Variants in RAB1B observed in about 807,000 individuals in gnomAD.
RAB1B encodes the protein ras-related protein Rab-1B.
RAB1B carries 10 observed loss-of-function variants against 24.8 expected under a neutral mutation model. The observed-to-expected ratio is 0.40, with a 90% confidence interval of 0.25 to 0.68. The LOEUF (loss-of-function observed/expected upper bound fraction) is 0.68, where lower values mean the gene tolerates loss of function less well. Ranked by LOEUF, RAB1B falls within the 30% of genes least tolerant of loss-of-function variation. The pLI, the probability that RAB1B is intolerant of heterozygous loss-of-function variation, is 0.37. For synonymous variants in RAB1B, 99 were observed against 111.7 expected, an observed-to-expected ratio of 0.89 and a Z score of 0.72; for missense variants, 154 against 271.2, an observed-to-expected ratio of 0.57 and a Z score of 3.04.
At chr11:66,271,488 C>CAAA (rs71270565) in intron 1 of RAB1B, 47 of 48,472 alleles carry the variant, frequency 9.7e-4, no homozygotes, top group South Asian at 3.4e-3. Context: ...AACTCAGTCT[C>CAAA]AAAAAAAAAA....
intron 1 of RAB1B, 100 bp downstream of exon 1, chr11:66,268,793 GCCC>G: frequency 8.7e-7 from 1 of 1,150,878 alleles, no homozygotes; most frequent in Non-Finnish European, 1.1e-6. Context: ...ACTGTGCGGC[GCCC>G]CCACATCCGG....
At chr11:66,273,955 G>A (rs975654594) in intron 4 of RAB1B, among the ~76,000 whole-genome samples, 7 of 152,136 alleles carry the variant, frequency 4.6e-5, no homozygotes, top group South Asian at 4.2e-4. Context: ...CCAAACCAGC[G>A]CCTCTATCCC....
chr11:66,268,809 C>T (rs1313291581), intron 1 of RAB1B, 116 bp downstream of exon 1: 1 of 1,069,664 alleles, frequency 9.3e-7, no homozygotes. Context: ...ACATCCGGGT[C>T]CCTCTTCCGC....
At chr11:66,272,001 C>A in intron 2 of RAB1B, 132 bp downstream of exon 2, 1 of 941,492 alleles carries the variant, frequency 1.1e-6, no homozygotes, top group Non-Finnish European at 1.8e-6. Context: ...GCCACCAGCA[C>A]ATCTGCCCTG....
At chr11:66,269,208 G>A (rs954923102) in intron 1 of RAB1B, among the ~76,000 whole-genome samples, 1 of 152,178 alleles carries the variant, frequency 6.6e-6, no homozygotes, top group Middle Eastern at 3.4e-3. Context: ...CGCTTGGGTC[G>A]CGTCTCCCGC....
intron 1 of RAB1B, among the ~76,000 whole-genome samples, chr11:66,269,345 C>G (rs1857012789): frequency 6.6e-6 from 1 of 152,286 alleles, no homozygotes; most frequent in African/African-American, 2.4e-5. Context: ...CCGTCACACC[C>G]CTTCCCTTGG....
chr11:66,272,402 C>T lies in RAB1B; in HGVS notation c.221C>T (p.Thr74Ile). 6.2e-7 allele frequency: 1 copy of T among 1,608,714 alleles called. No individual in the cohort carries two copies. The highest frequency in any genetic ancestry group is 8.5e-7 in the Non-Finnish European group (1 of 1,176,622). ...GGCCAGGAACGGTTCCGGACCATCA[C>T]TTCCAGCTACTACCGGGGGGCTCAT... is the stretch of plus-strand genomic sequence containing the variant. ...TAGQERFRTI[T>I]SSYYRGAHGI... Residue 74 changes from threonine to isoleucine, a missense_variant, in exon 4 of 6, where the codon ACT becomes ATT. Physicochemically the swap from Thr to Ile is moderately conservative, Grantham distance 89. This residue lies in a region of RAB1B where 77 missense variants were observed against 173.4 expected (regional missense o/e 0.44). Coordinates refer to ENST00000311481, the MANE Select transcript of RAB1B (RefSeq NM_030981.3).
chr11:66,274,117 GACAC>G (rs951527362), intron 4 of RAB1B, among the ~76,000 whole-genome samples: 17 of 152,198 alleles, frequency 1.1e-4, no homozygotes, highest in African/African-American at 4.1e-4. Flanking sequence ...TGGGACTATA[GACAC>G]ACACCACCAT....
intron 4 of RAB1B, among the ~76,000 whole-genome samples, chr11:66,273,877 C>T (rs1857100068): frequency 6.6e-6 from 1 of 152,210 alleles, no homozygotes; most frequent in African/African-American, 2.4e-5. Context: ...CTTTTGAGCA[C>T]ACCCTTTCCC....
chr11:66,273,776 T>G (rs1055001758), intron 4 of RAB1B, among the ~76,000 whole-genome samples: 1 of 152,146 alleles, frequency 6.6e-6, no homozygotes, highest in Non-Finnish European at 1.5e-5. Flanking sequence ...AGGTTTGTGT[T>G]TTCTAGATGA....
At chr11:66,273,252 C>T (rs1227332668) in intron 4 of RAB1B, among the ~76,000 whole-genome samples, 3 of 152,156 alleles carry the variant, frequency 2.0e-5, no homozygotes, top group African/African-American at 2.4e-5. Flanking sequence ...AGCCGTGGGC[C>T]GGGAAGAGTC....
intron 2 of RAB1B, 66 bp from the exon 3 acceptor site, chr11:66,272,091 G>T: frequency 8.1e-7 from 1 of 1,227,496 alleles, no homozygotes; most frequent in East Asian, 2.3e-5. Context: ...GGGAACTGGA[G>T]GGAGGCTCTC....
intron 4 of RAB1B, among the ~76,000 whole-genome samples, chr11:66,272,920 A>C (rs963696094): frequency 6.6e-6 from 1 of 152,244 alleles, no homozygotes; most frequent in Non-Finnish European, 1.5e-5. Context: ...GAGATCCAGA[A>C]GCTCTGCCTC....
Position 66,272,252 on chromosome 11 carries a change from C to T in RAB1B, c.183C>T (p.Ile61=), listed in dbSNP as rs765236066. ...ELDGKTIKLQ[I]WDTAGQERFR... is the part of the protein sequence containing the mutation. ...ATGGCAAAACTATCAAACTTCAGATCGTGAGTGTCGCTCTTCCCAAAATCC... is the reference window on the plus strand; with the variant it reads ...ATGGCAAAACTATCAAACTTCAGATTGTGAGTGTCGCTCTTCCCAAAATCC... The change falls in exon 3 of 6, where the codon ATC becomes ATT. Residue 61 remains isoleucine (I), a splice_region_variant and synonymous_variant. Transcript: ENST00000311481. The T allele has an allele frequency of 8.1e-6, 13 of 1,612,596 alleles. No homozygotes were observed. The Middle Eastern group carries it at 8.3e-4, about 102-fold the overall frequency.
chr11:66,276,320 CT>C lies in RAB1B; in HGVS notation c.*83del. On this transcript the variant is annotated 3_prime_UTR_variant, in exon 6 of 6. Transcript: ENST00000311481. ...GGGGGCAGGAGGTACCTCCCTCTCC[CT>C]CTCCTGGGGCATTTGAGTCTGTGGC... 1 of 1,318,878 alleles carries C rather than the reference CT, an allele frequency of 7.6e-7. No individual in the cohort carries two copies. The highest frequency in any genetic ancestry group is 1.0e-6 in the Non-Finnish European group (1 of 985,842). 81.7% of individuals were successfully genotyped at this position (1,318,878 alleles called of 1,614,324 possible).
chr11:66,272,197 T>C lies in RAB1B; in HGVS notation c.128T>C (p.Val43Ala), dbSNP rs1191814351. The part of the protein sequence containing the change: ...YTESYISTIG[V>A]DFKIRTIELD... The stretch of plus-strand genomic sequence containing the variant: ...GAGAGCTACATCAGCACCATCGGGG[T>C]GGACTTCAAGATCCGAACCATCGAG... The change falls in exon 3 of 6, where the codon GTG (valine) becomes GCG (alanine). Residue 43 changes from valine to alanine, a missense_variant. Physicochemically the swap from Val to Ala is moderately conservative, Grantham distance 64 (BLOSUM62 0). Coordinates refer to ENST00000311481, the MANE Select transcript of RAB1B (RefSeq NM_030981.3). 6.2e-7 allele frequency: 1 copy of C among 1,613,544 alleles called. No homozygotes were observed. The highest frequency in any genetic ancestry group is 8.5e-7 in the Non-Finnish European group (1 of 1,179,796).
Position 66,275,707 on chromosome 11 carries a change from C to A in RAB1B, c.280-97C>A, listed in dbSNP as rs1009002337. The stretch of plus-strand genomic sequence containing the variant: ...CGCTGAGCCCAGGACTTAAGGGGCC[C>A]GGAGCTGTACTGTTCCCCTCAGAGA... On this transcript the variant is annotated intron_variant, in intron 4 of 5. Coordinates refer to ENST00000311481, the MANE Select transcript of RAB1B (RefSeq NM_030981.3). 5.2e-6 allele frequency: 7 copies of A among 1,354,996 alleles called. No homozygotes were observed. The African/African-American group carries it at 7.3e-5, about 14-fold the overall frequency. The allele number at this position is 1,354,996 out of a possible 1,614,324, so 83.9% of individuals were successfully genotyped here. A position where few individuals can be genotyped will look rare whatever the true frequency, so the allele number is the denominator to read the frequency against.
chr11:66,271,782 ATCT>A lies in RAB1B; in HGVS notation c.15-11_15-9del, dbSNP rs1857062870. On this transcript the variant is annotated splice_polypyrimidine_tract_variant and intron_variant, in intron 1 of 5. Transcript: ENST00000311481. ...TCCCTGCCTCCCTTCACGCCTTCCC[ATCT>A]TCTCTCTCCAGTGACTACCTGTTTA... The A allele has an allele frequency of 6.2e-7, 1 of 1,611,182 alleles. No individual in the cohort carries two copies. Among genetic ancestry groups the A allele is most frequent in the Non-Finnish European group, 8.5e-7 (1 of 1,177,370 alleles).
Position 66,272,421 on chromosome 11 carries a change from G to C in RAB1B, c.240G>C (p.Gly80=). ...FRTITSSYYR[G]AHGIIVVYDV... ...CCATCACTTCCAGCTACTACCGGGG[G>C]GCTCATGGCATCATCGTGGTGTATG... Residue 80 remains glycine (G), a synonymous_variant, in exon 4 of 6, where the codon GGG becomes GGC. Coordinates refer to ENST00000311481, the MANE Select transcript of RAB1B (RefSeq NM_030981.3). The C allele has an allele frequency of 6.2e-7, 1 of 1,605,238 alleles. No homozygotes were observed. The highest frequency in any genetic ancestry group is 1.1e-5 in the South Asian group (1 of 89,542).
Sources: allele counts gnomAD v4.1 joint callset (sites outside exome capture counted in the v4.1 genomes callset), GRCh38; gene constraint gnomAD v4.1.1; regional missense constraint gnomAD v4.1.1; transcripts MANE v1.5; gene names NCBI Gene and HGNC (gene_info 2026-07-23, HGNC 2026-07-21).